HFM1: variants seen among roughly 807,000 people sequenced by gnomAD.
HFM1 encodes helicase for meiosis 1, also known as probable ATP-dependent DNA helicase HFM1.
In HFM1, 169 loss-of-function variants were observed where a neutral mutation model predicts 192.1. The observed-to-expected ratio is 0.88, with a 90% CI of 0.78 to 1.00. The LOEUF (loss-of-function observed/expected upper bound fraction) is 1.00. Ranked by LOEUF, HFM1 falls within the 50% of genes least tolerant of loss-of-function variation. The probability of loss-of-function intolerance (pLI) is 0.00; values close to 1 mark genes in which losing one functional copy is unlikely to be tolerated. For synonymous variants in HFM1, 525 were observed against 537.8 expected, an observed-to-expected ratio of 0.98 and a Z score of 0.33; for missense variants, 1,661 against 1,668.0, an observed-to-expected ratio of 1.00 and a Z score of 0.07.
intron 4 of HFM1, among the ~76,000 whole-genome samples, chr1:91,390,432 A>AC (rs928337013): frequency 6.1e-4 from 2 of 3,284 alleles, no homozygotes; most frequent in African/African-American, 1.1e-3. Flanking sequence ...TAAGACTCCC[A>AC]AAGAAAAAAA....
At chr1:91,269,544 C>T (rs1022075205) in intron 34 of HFM1, among the ~76,000 whole-genome samples, 2 of 152,120 alleles carry the variant, frequency 1.3e-5, no homozygotes, top group African/African-American at 4.8e-5. Flanking sequence ...CCTATAACTA[C>T]AGTTCACATT....
At chr1:91,387,207 T>G (rs781406538) in intron 4 of HFM1, among the ~76,000 whole-genome samples, 5 of 152,214 alleles carry the variant, frequency 3.3e-5, no homozygotes, top group Non-Finnish European at 5.9e-5. Flanking sequence ...TCATCAGTCT[T>G]GTCTATGAAA....
rs1663406872 is a variant in HFM1, at chr1:91,394,488, C to CA, written c.185-87_185-86insT. 5.7e-5 allele frequency: 47 copies of CA among 817,736 alleles called. 1 individual carries two copies. In the South Asian group the frequency reaches 8.8e-4, roughly 15 times the overall value. The allele number at this position is 817,736 out of a possible 1,614,324, so 50.7% of individuals were successfully genotyped here. A position where few individuals can be genotyped will look rare whatever the true frequency, so the allele number is the denominator to read the frequency against. ...ATGATGAAAAACTTTAATAAAAATTCCAAGTTAAGTATGAAAGCCAAAAGC... is the reference window on the plus strand; with the variant it reads ...ATGATGAAAAACTTTAATAAAAATTCACAAGTTAAGTATGAAAGCCAAAAGC... On this transcript the variant is annotated intron_variant, in intron 3 of 38. Coordinates refer to ENST00000370425, the MANE Select transcript of HFM1 (RefSeq NM_001017975.6).
intron 13 of HFM1, among the ~76,000 whole-genome samples, chr1:91,353,617 C>T (rs1404665292): frequency 2.2e-5 from 3 of 137,342 alleles, no homozygotes; most frequent in South Asian, 2.3e-4. Context: ...TAAGAAGTAA[C>T]CATTTCTAAA....
At chr1:91,308,971 A>G (rs1160308923) in intron 30 of HFM1, among the ~76,000 whole-genome samples, 2 of 152,036 alleles carry the variant, frequency 1.3e-5, no homozygotes, top group Admixed American at 6.6e-5. Flanking sequence ...TAAAAATTAT[A>G]ATTTTATAAG....
chr1:91,405,530 G>C (rs192350505), upstream of HFM1, among the ~76,000 whole-genome samples: 3 of 152,238 alleles, frequency 2.0e-5, no homozygotes, highest in Admixed American at 1.3e-4. Context: ...ACCTACTGCT[G>C]TCTGACTGCC....
rs76276790 is a variant in HFM1 at position 91,358,829 on chromosome 1, G to A, written c.1686-5530C>T. On this transcript the variant is annotated intron_variant, in intron 13 of 38. Coordinates refer to ENST00000370425, the MANE Select transcript of HFM1 (RefSeq NM_001017975.6). ...GACTGGGTGAGACATCCCAACTGGG[G>A]TTTCCAGCCACCTCCTAAAGGTACA... 1.4e-3 allele frequency among the ~76,000 whole-genome samples: 216 copies of A among 152,294 alleles called. 3 individuals are homozygous for A. In the East Asian group the frequency reaches 0.022, roughly 16 times the overall value.
rs867802871 is a variant in HFM1, at chr1:91,364,613, T to C, written c.1685+10745A>G. Among the ~76,000 whole-genome samples, 33 of 33,804 alleles carry C rather than the reference T, an allele frequency of 9.8e-4. 1 individual carries two copies. Among genetic ancestry groups the C allele is most frequent in the Admixed American group, 1.9e-3 (5 of 2,640 alleles). The allele number at this position is 33,804 out of a possible 152,430, so 22.2% of individuals were successfully genotyped here. A position where few individuals can be genotyped will look rare whatever the true frequency, so the allele number is the denominator to read the frequency against. On this transcript the variant is annotated intron_variant, in intron 13 of 38. Transcript: ENST00000370425. ...ATATATACATATACATATACATATA[T>C]ATATATATATATATATATATTTTTT...
chr1:91,328,592 C>T (rs1175353042), intron 20 of HFM1: 3 of 1,606,602 alleles, frequency 1.9e-6, no homozygotes, highest in Non-Finnish European at 2.6e-6. Context: ...TTCTACCGCA[C>T]TATTCGCGTG....
chr1:91,288,366 C>CTTTTTTTTTTTT (rs35536576), intron 30 of HFM1, among the ~76,000 whole-genome samples: 4 of 134,330 alleles, frequency 3.0e-5, no homozygotes, highest in Non-Finnish European at 6.4e-5. Context: ...ATTCAACATT[C>CTTTTTTTTTTTT]TTTTTTTTTT....
At chr1:91,352,748 C>A (rs1657124268) in intron 15 of HFM1, 97 bp from the exon 16 acceptor site, 2 of 894,134 alleles carry the variant, frequency 2.2e-6, no homozygotes, top group Admixed American at 3.1e-5. Context: ...GTAATAAAAA[C>A]TCATACATAA....
intron 14 of HFM1, 33 bp from the exon 15 acceptor site, chr1:91,353,185 A>T: frequency 1.3e-6 from 2 of 1,557,008 alleles, no homozygotes; most frequent in Non-Finnish European, 1.8e-6. Context: ...GTTACTATTA[A>T]TATTTCATCA....
intron 10 of HFM1, 78 bp downstream of exon 10, chr1:91,378,325 G>A: frequency 7.6e-7 from 1 of 1,308,334 alleles, no homozygotes. Flanking sequence ...ATATAGTTTG[G>A]TTGCAATGTC....
At chr1:91,284,175 C>T (rs1374999031) in intron 30 of HFM1, among the ~76,000 whole-genome samples, 2 of 151,846 alleles carry the variant, frequency 1.3e-5, no homozygotes, top group African/African-American at 2.4e-5. Flanking sequence ...AATGTACACA[C>T]AATGTGCCTG....
chr1:91,329,607 G>C (rs1653496817), intron 20 of HFM1: 2 of 915,110 alleles, frequency 2.2e-6, no homozygotes, highest in Non-Finnish European at 3.3e-6. Context: ...CTTCACAGGG[G>C]TGGAGAGAGC....
At chr1:91,375,192 C>A (rs983392964) in intron 13 of HFM1, among the ~76,000 whole-genome samples, 166 bp downstream of exon 13, 13 of 152,036 alleles carry the variant, frequency 8.6e-5, no homozygotes, top group African/African-American at 3.1e-4. Context: ...CACCCCTGTA[C>A]GAAGATTCAC....
chr1:91,280,457 T>C (rs967320360), intron 30 of HFM1, among the ~76,000 whole-genome samples: 9 of 152,154 alleles, frequency 5.9e-5, no homozygotes, highest in Non-Finnish European at 1.3e-4. Flanking sequence ...CAATTGCATA[T>C]CTCCATATAG....
intron 13 of HFM1, among the ~76,000 whole-genome samples, chr1:91,364,428 C>A (rs1297194302): frequency 6.6e-6 from 1 of 151,244 alleles, no homozygotes; most frequent in African/African-American, 2.4e-5. Flanking sequence ...ACCAAGCAAC[C>A]TCTTCTCTGG....
Position 91,328,603 on chromosome 1 carries a change from A to G in HFM1, c.2336-3837T>C, listed in dbSNP as rs1653303554. On this transcript the variant is annotated intron_variant, in intron 20 of 38. Transcript: ENST00000370425. The stretch of plus-strand genomic sequence containing the variant: ...CATGTTCTACCGCACTATTCGCGTG[A>G]TGGAGAACGGCATCAAGCCCATGTA... 3.7e-6 allele frequency: 6 copies of G among 1,604,146 alleles called. No individual in the cohort carries two copies. In the East Asian group the frequency reaches 1.3e-4, roughly 36 times the overall value.
Sources: allele counts gnomAD v4.1 joint callset (sites outside exome capture counted in the v4.1 genomes callset), GRCh38; gene constraint gnomAD v4.1.1; transcripts MANE v1.5; gene names NCBI Gene and HGNC (gene_info 2026-07-23, HGNC 2026-07-21).